CHIC1: variants seen among roughly 807,000 people sequenced by gnomAD.
CHIC1 encodes cysteine-rich hydrophobic domain-containing protein 1.
A neutral mutation model predicts 18.5 loss-of-function variants in CHIC1; 7 were observed. The ratio of observed to expected loss-of-function variants is 0.38; its 90% confidence interval spans 0.22 to 0.71. The LOEUF (loss-of-function observed/expected upper bound fraction) is 0.71. Among genes scored for constraint, CHIC1 ranks in the 30% least tolerant of loss-of-function variants. The pLI, the probability that CHIC1 is intolerant of heterozygous loss-of-function variation, is 0.49. For synonymous variants in CHIC1, 77 were observed against 73.5 expected (o/e 1.05, Z -0.25); for missense variants, 159 against 176.9 (o/e 0.90, Z 0.57).
Position 73,684,379 on chromosome X carries a change from G to T in CHIC1, c.*3374G>T, listed in dbSNP as rs1317595230. On this transcript the variant is annotated 3_prime_UTR_variant, in exon 6 of 6. Transcript: ENST00000373502. ...TCAAACTGTTTTATCTACCATTTTT[G>T]ATGAAATTTGAATAAAGTTTAAAAA... The T allele has an allele frequency of 9.0e-6, 1 of 111,140 alleles. No homozygotes were observed. The highest frequency in any genetic ancestry group is 1.9e-5 in the Non-Finnish European group (1 of 52,725). The allele number at this position is 111,140 out of a possible 1,213,427, so 9.2% of individuals were successfully genotyped here. A position where few individuals can be genotyped will look rare whatever the true frequency, so the allele number is the denominator to read the frequency against.
chrX:73,648,905 C>T (rs1453580338), intron 3 of CHIC1, among the ~76,000 whole-genome samples: 2 of 111,330 alleles, frequency 1.8e-5, no homozygotes, highest in African/African-American at 6.5e-5. Flanking sequence ...TCATCAGACT[C>T]TCCAAGGTCA....
intron 2 of CHIC1, among the ~76,000 whole-genome samples, 158 bp downstream of exon 2, chrX:73,577,619 A>G (rs1397632865): frequency 1.8e-5 from 2 of 110,921 alleles, no homozygotes; most frequent in African/African-American, 6.5e-5. Flanking sequence ...AGCTGTTGCC[A>G]TGGCTACCAG....
chrX:73,642,952 C>G (rs776961776), intron 3 of CHIC1, among the ~76,000 whole-genome samples: 2 of 110,901 alleles, frequency 1.8e-5, no homozygotes, highest in Non-Finnish European at 3.8e-5. Flanking sequence ...AGTCAGGTAG[C>G]GTGATGCCTC....
At chrX:73,677,547 G>C (rs1303370513) in intron 3 of CHIC1, among the ~76,000 whole-genome samples, 1 of 112,298 alleles carries the variant, frequency 8.9e-6, no homozygotes, top group African/African-American at 3.2e-5. Context: ...CCAGGTGCAG[G>C]ATATAATCTC....
chrX:73,620,047 A>G (rs1049139198), intron 3 of CHIC1, among the ~76,000 whole-genome samples: 2 of 111,764 alleles, frequency 1.8e-5, no homozygotes, highest in Admixed American at 1.9e-4. Context: ...ATCCGTTTTT[A>G]TGGCTGCATA....
chrX:73,644,714 C>CT (rs1467239013), intron 3 of CHIC1, among the ~76,000 whole-genome samples: 2 of 112,352 alleles, frequency 1.8e-5, no homozygotes, highest in Admixed American at 9.4e-5. Flanking sequence ...CAGGTGTGCT[C>CT]TTTTTTAAGC....
chrX:73,642,791 T>G (rs1224811019), intron 3 of CHIC1, among the ~76,000 whole-genome samples: 4 of 108,870 alleles, frequency 3.7e-5, no homozygotes, highest in South Asian at 4.1e-4. Context: ...CTTTCCCCAT[T>G]GCTTGTTTTT....
intron 3 of CHIC1, among the ~76,000 whole-genome samples, chrX:73,632,800 GCT>G (rs1388773934): frequency 1.3e-5 from 1 of 79,756 alleles, no homozygotes; most frequent in African/African-American, 5.2e-5. Context: ...TCGGAGTTTC[GCT>G]CTGTCACCCA....
chrX:73,581,821 G>A (rs1382835662), intron 2 of CHIC1, among the ~76,000 whole-genome samples: 1 of 110,974 alleles, frequency 9.0e-6, no homozygotes, highest in Non-Finnish European at 1.9e-5. Flanking sequence ...CAGGAAAGAA[G>A]GAAAATGACC....
At chrX:73,633,557 A>G (rs1339823273) in intron 3 of CHIC1, among the ~76,000 whole-genome samples, 1 of 111,647 alleles carries the variant, frequency 9.0e-6, no homozygotes, top group African/African-American at 3.3e-5. Context: ...AGCTTCATGC[A>G]TCTGGATGTC....
At chrX:73,597,934 T>C (rs1056539180) in intron 3 of CHIC1, among the ~76,000 whole-genome samples, 2 of 111,416 alleles carry the variant, frequency 1.8e-5, no homozygotes, top group African/African-American at 3.3e-5. Context: ...TCCATGTCCC[T>C]GCAAAGAACA....
chrX:73,656,058 TC>T (rs2147613920), intron 3 of CHIC1, among the ~76,000 whole-genome samples: 1 of 111,939 alleles, frequency 8.9e-6, no homozygotes, highest in South Asian at 3.7e-4. Flanking sequence ...ACTCTAATGA[TC>T]AGTGATATTG....
At chrX:73,567,146 C>T (rs562072877) in intron 1 of CHIC1, among the ~76,000 whole-genome samples, 2 of 110,438 alleles carry the variant, frequency 1.8e-5, no homozygotes, top group Non-Finnish European at 3.8e-5. Context: ...CAGCCCACTA[C>T]TCTTCTTATT....
intron 3 of CHIC1, among the ~76,000 whole-genome samples, chrX:73,648,023 C>G (rs764128956): frequency 8.9e-6 from 1 of 111,751 alleles, no homozygotes; most frequent in Admixed American, 9.5e-5. Context: ...AAGCACCCAA[C>G]TTTGCTGTTC....
At chrX:73,610,943 GT>G (rs1218849631) in intron 3 of CHIC1, among the ~76,000 whole-genome samples, 6 of 97,324 alleles carry the variant, frequency 6.2e-5, no homozygotes, top group African/African-American at 1.2e-4. Context: ...TTCTGATTTT[GT>G]TTTTTTTTTC....
At chrX:73,678,646 T>G (rs1299205121) in intron 3 of CHIC1, among the ~76,000 whole-genome samples, 1 of 112,510 alleles carries the variant, frequency 8.9e-6, no homozygotes, top group Non-Finnish European at 1.9e-5. Flanking sequence ...TTTGAAAAGC[T>G]TTTTTAACAT....
chrX:73,574,364 T>C (rs1200542356), intron 1 of CHIC1, among the ~76,000 whole-genome samples: 1 of 110,697 alleles, frequency 9.0e-6, no homozygotes, highest in African/African-American at 3.3e-5. Context: ...TCTATGTTCG[T>C]CAGGGATATG....
rs1286940342 is a variant in CHIC1 at position 73,680,964 on chromosome X, A to G, written c.634A>G (p.Ile212Val). The change falls in exon 6 of 6, where the codon ATA becomes GTA. Residue 212 changes from isoleucine (I) to valine (V), a missense_variant. Ile to Val is a conservative substitution (Grantham distance 29). Transcript: ENST00000373502. ...TSNMMEYVILIEFLPKYPIFR... is the reference protein window; with the variant it reads ...TSNMMEYVILVEFLPKYPIFR... The stretch of plus-strand genomic sequence containing the variant: ...TGTTTTTATTTTGCAGGTAATACTA[A>G]TAGAATTCTTACCAAAATATCCCAT... The G allele has an allele frequency of 9.3e-7, 1 of 1,077,494 alleles. No homozygotes were observed. The highest frequency in any genetic ancestry group is 1.3e-6 in the Non-Finnish European group (1 of 795,396). 88.8% of individuals were successfully genotyped at this position (1,077,494 alleles called of 1,213,427 possible).
chrX:73,573,297 CTA>C (rs1181996181), intron 1 of CHIC1, among the ~76,000 whole-genome samples: 3 of 110,772 alleles, frequency 2.7e-5, no homozygotes, highest in Non-Finnish European at 5.7e-5. Flanking sequence ...TTCCATTGGT[CTA>C]TGTGTGTTTT....
Sources: allele counts gnomAD v4.1 joint callset (sites outside exome capture counted in the v4.1 genomes callset), GRCh38; gene constraint gnomAD v4.1.1; transcripts MANE v1.5; gene names NCBI Gene and HGNC (gene_info 2026-07-23, HGNC 2026-07-21).